Variants in TLN2 observed in about 807,000 individuals in gnomAD.
TLN2 encodes talin-2.
Under a neutral mutation model 294.7 loss-of-function variants are expected in TLN2, and 118 were observed. That is an observed-to-expected ratio of 0.40 (90% CI 0.34 to 0.47). TLN2 has a LOEUF of 0.47. Among genes scored for constraint, TLN2 ranks in the 20% least tolerant of loss-of-function variants. The pLI is 0.84. For missense variants in TLN2, 3,083 were observed against 3,282.2 expected (o/e 0.94, Z 1.48); for synonymous variants, 1,431 against 1,304.5 (o/e 1.10, Z -2.09).
intron 3 of TLN2, among the ~76,000 whole-genome samples, chr15:62,629,225 G>A (rs554173014): frequency 6.6e-6 from 1 of 152,160 alleles, no homozygotes; most frequent in Non-Finnish European, 1.5e-5. Flanking sequence ...AATTTTGGTG[G>A]TAGACTTCAT....
chr15:62,435,092 G>A (rs1009351204), intron 1 of TLN2, among the ~76,000 whole-genome samples: 5 of 149,764 alleles, frequency 3.3e-5, no homozygotes, highest in African/African-American at 1.2e-4. Context: ...AAAGGACCAA[G>A]ATCTTGTTCT....
chr15:62,552,454 A>T (rs1196435677), intron 1 of TLN2, among the ~76,000 whole-genome samples: 1 of 152,198 alleles, frequency 6.6e-6, no homozygotes, highest in Non-Finnish European at 1.5e-5. Context: ...GCACATTCCT[A>T]GCTGAGATCA....
rs536384718 is a variant in TLN2 at position 62,842,963 on chromosome 15, G to C, written c.*2353G>C. The C allele has an allele frequency of 6.6e-6, 1 of 152,184 alleles. No homozygotes were observed. Among genetic ancestry groups the C allele is most frequent in the South Asian group, 2.1e-4 (1 of 4,826 alleles). The allele number at this position is 152,184 out of a possible 1,614,324, so 9.4% of individuals were successfully genotyped here. ...TGGTTTCTCATTTCATAAGATAGTT[G>C]AAGGGCCATGCCTTGTCTGGATGTT... On this transcript the variant is annotated 3_prime_UTR_variant, in exon 59 of 59. Transcript: ENST00000636159.
At chr15:62,709,845 T>C (rs1171793133) in intron 21 of TLN2, among the ~76,000 whole-genome samples, 2 of 152,106 alleles carry the variant, frequency 1.3e-5, no homozygotes, top group Non-Finnish European at 2.9e-5. Context: ...AGAGATACTC[T>C]TGCCTCAGCC....
chr15:62,836,203 C>T (rs1368768156), intron 57 of TLN2, 130 bp downstream of exon 57: 4 of 1,292,506 alleles, frequency 3.1e-6, no homozygotes, highest in Non-Finnish European at 2.1e-6. Flanking sequence ...CACGTTCCAG[C>T]CTCATCTACT....
intron 3 of TLN2, among the ~76,000 whole-genome samples, chr15:62,633,184 C>T (rs929874876): frequency 3.3e-5 from 5 of 152,162 alleles, no homozygotes; most frequent in African/African-American, 1.2e-4. Context: ...GGCAGATATG[C>T]CCTGGTTAGA....
chr15:62,487,718 G>A (rs981017179), intron 1 of TLN2, among the ~76,000 whole-genome samples: 2 of 151,670 alleles, frequency 1.3e-5, no homozygotes, highest in Non-Finnish European at 2.9e-5. Flanking sequence ...GGATCATGGG[G>A]TCAGGAGATA....
At chr15:62,669,780 C>A (rs1314862509) in intron 9 of TLN2, among the ~76,000 whole-genome samples, 2 of 152,164 alleles carry the variant, frequency 1.3e-5, no homozygotes, top group Admixed American at 1.3e-4. Context: ...GGCTGGCAGG[C>A]CTTGATGACA....
Position 62,468,780 on chromosome 15 carries a change from A to T in TLN2, c.-238+78095A>T, listed in dbSNP as rs112750448. Among the ~76,000 whole-genome samples the T allele has an allele frequency of 9.0e-4, 3 of 3,334 alleles. No individual in the cohort carries two copies. The Non-Finnish European group carries it at 0.21, about 238-fold the overall frequency. 2.2% of individuals were successfully genotyped at this position (3,334 alleles called of 152,430 possible). A position where few individuals can be genotyped will look rare whatever the true frequency, so the allele number is the denominator to read the frequency against. ...TAAAAATAAAAAAAATACAAAAATA[A>T]AAAAAAAAATACAAAGGAGTTGTCT... On this transcript the variant is annotated intron_variant, in intron 1 of 58. Transcript: ENST00000636159.
intron 1 of TLN2, among the ~76,000 whole-genome samples, chr15:62,412,995 T>C (rs1461788238): frequency 4.6e-5 from 7 of 152,132 alleles, no homozygotes; most frequent in Non-Finnish European, 1.0e-4. Context: ...GTGGAGAGAC[T>C]GCAAGGCTTG....
chr15:62,722,656 A>G (rs889283105), intron 26 of TLN2, among the ~76,000 whole-genome samples, 169 bp downstream of exon 26: 1 of 152,186 alleles, frequency 6.6e-6, no homozygotes, highest in Non-Finnish European at 1.5e-5. Context: ...GCATTAAGCC[A>G]CTATCTCCCA....
At chr15:62,630,562 C>T (rs945783728) in intron 3 of TLN2, among the ~76,000 whole-genome samples, 3 of 152,104 alleles carry the variant, frequency 2.0e-5, no homozygotes, top group East Asian at 3.9e-4. Flanking sequence ...TCCAGCAGTC[C>T]GAGGCCAGGT....
intron 58 of TLN2, among the ~76,000 whole-genome samples, chr15:62,839,523 T>C (rs1428013388): frequency 1.3e-5 from 2 of 152,330 alleles, no homozygotes; most frequent in South Asian, 2.1e-4. Context: ...CCCAGAACTT[T>C]TATAAGAGCA....
chr15:62,653,033 C>T, intron 6 of TLN2, 129 bp from the exon 7 acceptor site: 1 of 660,136 alleles, frequency 1.5e-6, no homozygotes. Context: ...CCTCCCTGAC[C>T]CTCATATTTG....
At chr15:62,764,942 G>A (rs1423596169) in intron 40 of TLN2, among the ~76,000 whole-genome samples, 1 of 145,204 alleles carries the variant, frequency 6.9e-6, no homozygotes, top group Non-Finnish European at 1.5e-5. Context: ...CCGCCCTTAA[G>A]CCTGGGACAA....
At chr15:62,724,743 T>C (rs2060343077) in intron 26 of TLN2, among the ~76,000 whole-genome samples, 1 of 152,168 alleles carries the variant, frequency 6.6e-6, no homozygotes, top group African/African-American at 2.4e-5. Flanking sequence ...TCCGGAACTC[T>C]TACTATATCC....
At chr15:62,835,610 C>T (rs1003788203) in intron 55 of TLN2, 127 bp from the exon 56 acceptor site, 30 of 968,864 alleles carry the variant, frequency 3.1e-5, no homozygotes, top group African/African-American at 4.8e-5. Flanking sequence ...CATTCTCAGG[C>T]CTGTGCTGTT....
intron 1 of TLN2, among the ~76,000 whole-genome samples, chr15:62,560,110 G>T (rs1347823658): frequency 6.6e-6 from 1 of 152,218 alleles, no homozygotes; most frequent in African/African-American, 2.4e-5. Context: ...AAGTGGGAAG[G>T]TAGGGCAGGT....
chr15:62,423,166 G>T (rs2034510395), intron 1 of TLN2, among the ~76,000 whole-genome samples: 1 of 152,200 alleles, frequency 6.6e-6, no homozygotes. Flanking sequence ...GGCCAAGGCA[G>T]GTGGATTGCT....
Sources: allele counts gnomAD v4.1 joint callset (sites outside exome capture counted in the v4.1 genomes callset), GRCh38; gene constraint gnomAD v4.1.1; transcripts MANE v1.5; gene names NCBI Gene and HGNC (gene_info 2026-07-23, HGNC 2026-07-21).